XKR4: variants seen among roughly 807,000 people sequenced by gnomAD.
XKR4 encodes XK-related protein 4.
A neutral mutation model predicts 53.9 loss-of-function variants in XKR4; 12 were observed. That is an observed-to-expected ratio of 0.22 (90% CI 0.14 to 0.36). The LOEUF (loss-of-function observed/expected upper bound fraction) is 0.36, where lower values mean the gene tolerates loss of function less well. Ranked by LOEUF, XKR4 falls within the 10% of genes least tolerant of loss-of-function variation. The pLI is 1.00. For synonymous variants in XKR4, 354 were observed against 362.4 expected (o/e 0.98, Z 0.26); for missense variants, 799 against 859.5 (o/e 0.93, Z 0.88).
At chr8:55,508,699 C>T (rs1806580464) in intron 2 of XKR4, among the ~76,000 whole-genome samples, 1 of 152,214 alleles carries the variant, frequency 6.6e-6, no homozygotes. Flanking sequence ...CCTGAGCATT[C>T]CCAGGGGCTA....
intron 2 of XKR4, among the ~76,000 whole-genome samples, chr8:55,485,265 A>T (rs1806175412): frequency 6.6e-6 from 1 of 152,224 alleles, no homozygotes; most frequent in South Asian, 2.1e-4. Flanking sequence ...CACTGCAATA[A>T]GGCAAGAAAA....
chr8:55,489,446 A>G (rs560956339), intron 2 of XKR4, among the ~76,000 whole-genome samples: 1 of 152,272 alleles, frequency 6.6e-6, no homozygotes, highest in South Asian at 2.1e-4. Flanking sequence ...TACAACAAAA[A>G]CATGGAGATA....
chr8:55,382,623 A>G (rs1012359546), intron 2 of XKR4, among the ~76,000 whole-genome samples: 23 of 152,234 alleles, frequency 1.5e-4, no homozygotes, highest in African/African-American at 5.3e-4. Flanking sequence ...TTGATAACTG[A>G]TAAGCATCTT....
At chr8:55,178,648 T>C (rs957570753) in intron 1 of XKR4, among the ~76,000 whole-genome samples, 2 of 152,174 alleles carry the variant, frequency 1.3e-5, no homozygotes. Flanking sequence ...CTAGACCCCA[T>C]GGTTTCTAGT....
rs1806983538 is a variant in XKR4 at position 55,533,382 on chromosome 8, T to C, written c.*9155T>C. On this transcript the variant is annotated 3_prime_UTR_variant, in exon 3 of 3. Coordinates refer to ENST00000327381, the MANE Select transcript of XKR4 (RefSeq NM_052898.2). ...AAGAATTGTCATTTTATATCATTCT[T>C]TCAAAAAATTAAAATATTCAACTTC... is the stretch of plus-strand genomic sequence containing the variant. The C allele has an allele frequency of 6.6e-6, 1 of 152,248 alleles. No homozygotes were observed. Among genetic ancestry groups the C allele is most frequent in the African/African-American group, 2.4e-5 (1 of 41,460 alleles). The allele number at this position is 152,248 out of a possible 1,614,324, so 9.4% of individuals were successfully genotyped here.
intron 1 of XKR4, among the ~76,000 whole-genome samples, chr8:55,143,021 A>G (rs1264460375): frequency 1.3e-5 from 2 of 152,198 alleles, no homozygotes; most frequent in East Asian, 3.8e-4. Flanking sequence ...GGTATTATAC[A>G]AGATATATTC....
At chr8:55,481,777 CA>C (rs1806111787) in intron 2 of XKR4, among the ~76,000 whole-genome samples, 1 of 152,006 alleles carries the variant, frequency 6.6e-6, no homozygotes, top group African/African-American at 2.4e-5. Flanking sequence ...TTTATGCAGC[CA>C]AAAGACACAT....
intron 1 of XKR4, among the ~76,000 whole-genome samples, chr8:55,159,870 G>T (rs759401454): frequency 2.0e-5 from 3 of 152,180 alleles, no homozygotes; most frequent in South Asian, 4.1e-4. Context: ...GCATAGCATC[G>T]CATATAGACT....
At chr8:55,452,483 G>T in intron 2 of XKR4, 1 of 633,318 alleles carries the variant, frequency 1.6e-6, no homozygotes, top group South Asian at 1.7e-5. Context: ...GTGGCAGGTA[G>T]ATGCGCAGGC....
At chr8:55,221,472 C>T (rs1218664561) in intron 1 of XKR4, among the ~76,000 whole-genome samples, 1 of 152,096 alleles carries the variant, frequency 6.6e-6, no homozygotes, top group Non-Finnish European at 1.5e-5. Flanking sequence ...GTTTCCTGGC[C>T]CACACACTGA....
intron 1 of XKR4, among the ~76,000 whole-genome samples, chr8:55,204,951 G>A (rs1319926199): frequency 6.6e-6 from 1 of 152,182 alleles, no homozygotes; most frequent in African/African-American, 2.4e-5. Flanking sequence ...AGGCAGCTGG[G>A]TGGGCCCTTG....
intron 2 of XKR4, among the ~76,000 whole-genome samples, chr8:55,377,023 C>T (rs1449540962): frequency 6.6e-6 from 1 of 151,946 alleles, no homozygotes; most frequent in African/African-American, 2.4e-5. Flanking sequence ...GTGTAACAGG[C>T]ACAGACTTTC....
chr8:55,102,711 G>T lies in XKR4; in HGVS notation c.223G>T (p.Ala75Ser). The T allele has an allele frequency of 3.5e-6, 4 of 1,141,474 alleles. No individual in the cohort carries two copies. The highest frequency in any genetic ancestry group is 4.3e-6 in the Non-Finnish European group (4 of 928,838). The allele number at this position is 1,141,474 out of a possible 1,614,324, so 70.7% of individuals were successfully genotyped here. A position where few individuals can be genotyped will look rare whatever the true frequency, so the allele number is the denominator to read the frequency against. ...CCCCAGSGGS[A>S]GSGGSGGVAG... ...CTGCTGCGCCGGGAGTGGCGGCTCC[G>T]CGGGCTCGGGCGGCTCCGGCGGCGT... is the stretch of plus-strand genomic sequence containing the variant. Residue 75 changes from alanine to serine, a missense_variant, in exon 1 of 3, where the codon GCG (alanine) becomes TCG (serine). Physicochemically the swap from Ala to Ser is moderately conservative, Grantham distance 99. This residue lies in a region of XKR4 where 476 missense variants were observed against 505.4 expected (regional missense o/e 0.94). Transcript: ENST00000327381. This position sits in a 1 kb window ranked among gnomAD's most constrained non-coding sequence, Gnocchi z 5.1.
chr8:55,133,011 G>A (rs1327198638), intron 1 of XKR4, among the ~76,000 whole-genome samples: 1 of 152,192 alleles, frequency 6.6e-6, no homozygotes, highest in African/African-American at 2.4e-5. Context: ...ATGTGACCAG[G>A]TTGGTCCTTG....
At chr8:55,243,951 TTC>T (rs1230679349) in intron 1 of XKR4, among the ~76,000 whole-genome samples, 7 of 152,248 alleles carry the variant, frequency 4.6e-5, no homozygotes, top group Admixed American at 2.0e-4. Context: ...ACAGTAATTA[TTC>T]TATGTGCGTG....
intron 2 of XKR4, among the ~76,000 whole-genome samples, chr8:55,439,047 G>A (rs935782582): frequency 2.0e-5 from 3 of 152,150 alleles, no homozygotes; most frequent in Non-Finnish European, 2.9e-5. Flanking sequence ...GGGACCTTGC[G>A]TAATTCAGCC....
intron 1 of XKR4, among the ~76,000 whole-genome samples, chr8:55,221,708 G>T (rs1323273096): frequency 6.6e-6 from 1 of 152,208 alleles, no homozygotes; most frequent in Admixed American, 6.5e-5. Flanking sequence ...GGAGACACAA[G>T]CTCTTCCAGG....
At chr8:55,375,551 C>G (rs1344576036) in intron 2 of XKR4, among the ~76,000 whole-genome samples, 5 of 152,184 alleles carry the variant, frequency 3.3e-5, no homozygotes, top group African/African-American at 9.7e-5. Context: ...CTCCTGTCCT[C>G]TCACCCAGGC....
chr8:55,245,608 A>G (rs1818274488), intron 1 of XKR4, among the ~76,000 whole-genome samples: 1 of 152,034 alleles, frequency 6.6e-6, no homozygotes, highest in Admixed American at 6.6e-5. Context: ...TTGGATGTCA[A>G]ACTTGCCAAG....
Sources: gnomAD v4.1 joint callset for allele counts (sites outside exome capture counted in the v4.1 genomes callset) on GRCh38, gnomAD v4.1.1 for gene constraint, gnomAD v4.1.1 regional missense constraint, Gnocchi (gnomAD v3.1) non-coding constraint, MANE v1.5 for transcripts, NCBI Gene and HGNC (gene_info 2026-07-23, HGNC 2026-07-21) for gene names.